The following GRIP1 variants were observed in gnomAD, a reference collection of about 807,000 sequenced individuals.
GRIP1 encodes glutamate receptor interacting protein 1, also known as glutamate receptor-interacting protein 1.
Under a neutral mutation model 129.9 loss-of-function variants are expected in GRIP1, and 45 were observed. The ratio of observed to expected loss-of-function variants is 0.35; its 90% confidence interval spans 0.27 to 0.44. GRIP1 has a LOEUF of 0.44. GRIP1 is among the 20% of genes least tolerant of loss of function. The probability of loss-of-function intolerance (pLI) is 1.00; values close to 1 mark genes in which losing one functional copy is unlikely to be tolerated. For synonymous variants in GRIP1, 530 were observed against 520.8 expected (o/e 1.02, Z -0.24); for missense variants, 1,196 against 1,396.8 (o/e 0.86, Z 2.29).
Position 66,630,935 on chromosome 12 carries a change from T to A in GRIP1, c.56-34008A>T, listed in dbSNP as rs550617685. ...TTTTAGTAATAATAGATGAGAAAAA[T>A]AAAACTTTTTTTTTTTGGAGACAGA... is the stretch of plus-strand genomic sequence containing the variant. On this transcript the variant is annotated intron_variant, in intron 1 of 24. Transcript: ENST00000359742. Among the ~76,000 whole-genome samples, 4 of 151,922 alleles carry A rather than the reference T, an allele frequency of 2.6e-5. No homozygotes were observed. The East Asian group carries it at 7.7e-4, about 29-fold the overall frequency.
intron 1 of GRIP1, among the ~76,000 whole-genome samples, chr12:66,627,531 C>T (rs189080755): frequency 1.3e-5 from 2 of 152,226 alleles, no homozygotes; most frequent in Admixed American, 6.5e-5. Flanking sequence ...CTGTAGTGGA[C>T]GAGTAATATT....
chr12:66,998,107 C>T (rs980842395), intron 1 of GRIP1, among the ~76,000 whole-genome samples: 2 of 152,072 alleles, frequency 1.3e-5, no homozygotes, highest in Non-Finnish European at 2.9e-5. Context: ...ACAGTAGCTG[C>T]TATCCATATG....
chr12:66,723,304 C>CTTTTTTTTTTTTTT (rs57938064), intron 1 of GRIP1, among the ~76,000 whole-genome samples: 1 of 58,430 alleles, frequency 1.7e-5, no homozygotes, highest in African/African-American at 8.5e-5. Flanking sequence ...TTCTTTCTTT[C>CTTTTTTTTTTTTTT]TTTTTTTTTT....
intron 1 of GRIP1, among the ~76,000 whole-genome samples, chr12:67,054,830 A>G (rs549361495): frequency 6.6e-6 from 1 of 152,224 alleles, no homozygotes; most frequent in African/African-American, 2.4e-5. Context: ...GAGGGAAAAA[A>G]CACCAACAGA....
At chr12:66,360,033 C>A (rs920503654) in intron 23 of GRIP1, among the ~76,000 whole-genome samples, 5 of 152,180 alleles carry the variant, frequency 3.3e-5, no homozygotes, top group Non-Finnish European at 7.3e-5. Context: ...CACCTCTGGG[C>A]AGCAAAATCA....
In GRIP1 at chr12:66,703,220, G is replaced by A. The variant is rs187150060; in HGVS notation, c.-419-72884C>T. Among the ~76,000 whole-genome samples the A allele has an allele frequency of 1.3e-3, 194 of 152,290 alleles. 4 individuals carry two copies. The highest frequency in any genetic ancestry group is 0.012 in the Admixed American group (180 of 15,294). The stretch of plus-strand genomic sequence containing the variant: ...ACTAAGGCTTAAGTTTGCTTGCAGT[G>A]TATGTGTGTATGTCTGTGTGTGCAT... On this transcript the variant is annotated intron_variant, in intron 1 of 4. Transcript: ENST00000538373.
At position 66,993,980 on chromosome 12, in the gene GRIP1, C is replaced by T. The variant is rs577765619; in HGVS notation, c.58+75070G>A. On this transcript the variant is annotated intron_variant, in intron 1 of 1. Coordinates refer to the GRIP1 transcript ENST00000643019. ...TCCAAGAAGAAACAGAAAATCTGAA[C>T]GGATCTATAACAACTAAAGCAATTA... 7.2e-5 allele frequency among the ~76,000 whole-genome samples: 11 copies of T among 152,080 alleles called. No homozygotes were observed. The South Asian group carries it at 8.3e-4, about 12-fold the overall frequency.
At chr12:66,530,529 T>C (rs2061405224) in intron 4 of GRIP1, among the ~76,000 whole-genome samples, 1 of 152,230 alleles carries the variant, frequency 6.6e-6, no homozygotes, top group African/African-American at 2.4e-5. Context: ...TTACTTGATA[T>C]ATTATGCTTA....
chr12:66,378,406 CAT>C (rs1165489142), intron 20 of GRIP1, among the ~76,000 whole-genome samples: 1 of 151,438 alleles, frequency 6.6e-6, no homozygotes, highest in African/African-American at 2.4e-5. Context: ...GAGCTGAGAT[CAT>C]ACCACTGCAC....
Position 66,494,564 on chromosome 12 carries a change from C to T in GRIP1, c.724+21055G>A, listed in dbSNP as rs11176232. Among the ~76,000 whole-genome samples the T allele has an allele frequency of 8.2e-4, 125 of 152,228 alleles. 2 individuals carry two copies. In the East Asian group the frequency reaches 0.017, roughly 21 times the overall value. Reference sequence around the variant, plus strand: ...AATTAATTTCTTCAAGACACAGTTACTTCATCTGTTAAAAATAAGGATATT... The same window carrying T: ...AATTAATTTCTTCAAGACACAGTTATTTCATCTGTTAAAAATAAGGATATT... On this transcript the variant is annotated intron_variant, in intron 7 of 24. Transcript: ENST00000359742.
chr12:66,659,452 T>C (rs1170891678), intron 1 of GRIP1, among the ~76,000 whole-genome samples: 2 of 152,244 alleles, frequency 1.3e-5, no homozygotes, highest in Non-Finnish European at 2.9e-5. Flanking sequence ...GCATTTCTTT[T>C]TGCAAACAAC....
intron 7 of GRIP1, 91 bp from the exon 8 acceptor site, chr12:66,465,513 T>C: frequency 8.9e-7 from 1 of 1,121,868 alleles, no homozygotes; most frequent in East Asian, 2.5e-5. Flanking sequence ...AGTTTGGTGT[T>C]AGCCTGTTAA....
chr12:66,393,375 C>T (rs2056668302), intron 17 of GRIP1, among the ~76,000 whole-genome samples: 1 of 151,804 alleles, frequency 6.6e-6, no homozygotes, highest in African/African-American at 2.4e-5. Flanking sequence ...GATGAGGTTT[C>T]CCCATTGGCC....
At chr12:66,411,798 G>T (rs974306667) in intron 15 of GRIP1, among the ~76,000 whole-genome samples, 1 of 152,180 alleles carries the variant, frequency 6.6e-6, no homozygotes, top group African/African-American at 2.4e-5. Context: ...ATGACCTTAT[G>T]GAGCTGAAAA....
At chr12:66,452,946 G>T (rs1290) in intron 11 of GRIP1, among the ~76,000 whole-genome samples, 35,071 of 152,020 alleles carry the variant, frequency 0.23, 4,539 homozygotes, top group Middle Eastern at 0.42. Context: ...TGGAATTTAT[G>T]GTTTGAATAA....
chr12:66,615,083 A>G (rs2064980948), intron 1 of GRIP1, among the ~76,000 whole-genome samples: 1 of 152,144 alleles, frequency 6.6e-6, no homozygotes, highest in African/African-American at 2.4e-5. Flanking sequence ...CTCCCTTACT[A>G]GAGTATAAAC....
intron 1 of GRIP1, among the ~76,000 whole-genome samples, chr12:66,723,304 C>CTTTTTTTTTT (rs57938064): frequency 3.4e-5 from 2 of 58,418 alleles, no homozygotes; most frequent in Non-Finnish European, 5.8e-5. Context: ...TTCTTTCTTT[C>CTTTTTTTTTT]TTTTTTTTTT....
At chr12:67,068,214 G>A (rs1488781620) in intron 1 of GRIP1, among the ~76,000 whole-genome samples, 1 of 152,148 alleles carries the variant, frequency 6.6e-6, no homozygotes, top group Non-Finnish European at 1.5e-5. Context: ...ACTAAGCCTT[G>A]AAGGTGCAAA....
At chr12:66,999,148 T>A (rs1170094555) in intron 1 of GRIP1, among the ~76,000 whole-genome samples, 1 of 152,150 alleles carries the variant, frequency 6.6e-6, no homozygotes, top group East Asian at 1.9e-4. Context: ...GTCTGTCTTG[T>A]TCATACCTAC....
Sources: gnomAD v4.1 joint callset for allele counts (sites outside exome capture counted in the v4.1 genomes callset) on GRCh38, gnomAD v4.1.1 for gene constraint, MANE v1.5 for transcripts, NCBI Gene and HGNC (gene_info 2026-07-23, HGNC 2026-07-21) for gene names.